IL6ST: variants seen among roughly 807,000 people sequenced by gnomAD.
IL6ST encodes interleukin 6 cytokine family signal transducer.
IL6ST carries 24 observed loss-of-function variants against 91.3 expected under a neutral mutation model. The ratio of observed to expected loss-of-function variants is 0.26; its 90% CI spans 0.19 to 0.37. IL6ST has a LOEUF of 0.37. Ranked by LOEUF, IL6ST falls within the 10% of genes least tolerant of loss-of-function variation. The probability of loss-of-function intolerance (pLI) is 1.00; values close to 1 mark genes in which losing one functional copy is unlikely to be tolerated. For missense variants in IL6ST, 914 were observed against 1,078.5 expected (o/e 0.85, Z 2.14); for synonymous variants, 351 against 373.6 (o/e 0.94, Z 0.70).
In IL6ST at chr5:55,963,468, A is replaced by G; in HGVS notation, c.697T>C (p.Ser233Pro). 6.2e-7 allele frequency: 1 copy of G among 1,609,888 alleles called. No individual in the cohort carries two copies. The highest frequency in any genetic ancestry group is 8.5e-7 in the Non-Finnish European group (1 of 1,177,252). Residue 233 changes from serine (S) to proline (P), a missense_variant, in exon 7 of 17, where the codon TCA (serine) becomes CCA (proline). Ser to Pro is a moderately conservative substitution (Grantham distance 74, BLOSUM62 -1). Coordinates refer to ENST00000381298, the MANE Select transcript of IL6ST (RefSeq NM_002184.4). ...NPPHNLSVINSEELSSILKLT... is the reference protein window; with the variant it reads ...NPPHNLSVINPEELSSILKLT... ...TTTAAGATACTAGACAGTTCCTCTG[A>G]GTTGATCACTGATAAATTATGTGGC...
At chr5:55,979,468 C>T (rs935736878) in intron 2 of IL6ST, among the ~76,000 whole-genome samples, 8 of 152,048 alleles carry the variant, frequency 5.3e-5, no homozygotes, top group Non-Finnish European at 1.0e-4. Flanking sequence ...CAGTATGTAA[C>T]AAAAGGTAAA....
chr5:55,975,883 TCTC>T (rs1373183656), intron 3 of IL6ST, among the ~76,000 whole-genome samples: 2 of 151,124 alleles, frequency 1.3e-5, no homozygotes, highest in Non-Finnish European at 2.9e-5. Flanking sequence ...TAACAAATTT[TCTC>T]CTATTCATTT....
Position 55,981,767 on chromosome 5 carries a change from C to A in IL6ST, c.-16+957G>T, listed in dbSNP as rs540898091. Among the ~76,000 whole-genome samples, 6 of 152,278 alleles carry A rather than the reference C, an allele frequency of 3.9e-5. No homozygotes were observed. The East Asian group carries it at 1.2e-3, about 29-fold the overall frequency. ...AATAGCACTATTACCTCACCTCTTG[C>A]AGAGTTTTCTATGCATATATTATAA... On this transcript the variant is annotated intron_variant, in intron 2 of 16. Transcript: ENST00000381298.
In IL6ST at chr5:55,935,835, G is replaced by C. The variant is rs750992766; in HGVS notation, c.*5247C>G. On this transcript the variant is annotated 3_prime_UTR_variant, in exon 17 of 17. Transcript: ENST00000381298. ...TCTCACTGCCTTTGGGCTAGAGAAA[G>C]AGTATGCTCTCAAGGAGTTACATAA... is the stretch of plus-strand genomic sequence containing the variant. The C allele has an allele frequency of 9.2e-6, 2 of 217,860 alleles. No homozygotes were observed. Among genetic ancestry groups the C allele is most frequent in the African/African-American group, 2.2e-5 (1 of 44,530 alleles). The allele number at this position is 217,860 out of a possible 1,614,324, so 13.5% of individuals were successfully genotyped here. A position where few individuals can be genotyped will look rare whatever the true frequency, so the allele number is the denominator to read the frequency against.
At chr5:55,969,886 G>C in intron 3 of IL6ST, 31 bp from the exon 4 acceptor site, 1 of 1,454,416 alleles carries the variant, frequency 6.9e-7, no homozygotes, top group Non-Finnish European at 9.4e-7. Context: ...ATATATAAAT[G>C]GACTGAATTT....
Position 55,940,104 on chromosome 5 carries a change from G to A in IL6ST, c.*978C>T, listed in dbSNP as rs1298152970. ...GTGTTCATCTACCCAGTACTCTGAA[G>A]TCTTAAGAAAAGTCAATGATATGTG... On this transcript the variant is annotated 3_prime_UTR_variant, in exon 17 of 17. Coordinates refer to ENST00000381298, the MANE Select transcript of IL6ST (RefSeq NM_002184.4). 5.1e-6 allele frequency: 1 copy of A among 197,956 alleles called. No individual in the cohort carries two copies. Among genetic ancestry groups the A allele is most frequent in the African/African-American group, 2.3e-5 (1 of 43,058 alleles). The allele number at this position is 197,956 out of a possible 1,614,324, so 12.3% of individuals were successfully genotyped here. A position where few individuals can be genotyped will look rare whatever the true frequency, so the allele number is the denominator to read the frequency against.
At chr5:55,969,923 G>A (rs998950233) in intron 3 of IL6ST, 68 bp from the exon 4 acceptor site, 3 of 1,032,728 alleles carry the variant, frequency 2.9e-6, no homozygotes, top group South Asian at 1.5e-5. Context: ...TATCTAGCTG[G>A]TAGCACTCAA....
chr5:55,962,595 TTGC>T, intron 7 of IL6ST, among the ~76,000 whole-genome samples: 1 of 152,284 alleles, frequency 6.6e-6, no homozygotes, highest in Middle Eastern at 3.4e-3. Flanking sequence ...GAGACTCTTT[TTGC>T]AACTACTCAA....
At chr5:55,955,814 C>T (rs963037289) in intron 10 of IL6ST, among the ~76,000 whole-genome samples, 2 of 151,998 alleles carry the variant, frequency 1.3e-5, no homozygotes, top group South Asian at 2.1e-4. Flanking sequence ...CTCAGGAGTT[C>T]GAGACCAGCC....
At chr5:55,952,385 C>A in intron 11 of IL6ST, 34 bp from the exon 12 acceptor site, 1 of 1,263,392 alleles carries the variant, frequency 7.9e-7, no homozygotes, top group Non-Finnish European at 1.1e-6. Flanking sequence ...GCATGTTTTT[C>A]CATAATGAAA....
At chr5:55,963,793 G>A (rs1167574921) in intron 6 of IL6ST, among the ~76,000 whole-genome samples, 2 of 151,982 alleles carry the variant, frequency 1.3e-5, no homozygotes, top group East Asian at 3.8e-4. Flanking sequence ...AATAAAAATG[G>A]AACATACATA....
At chr5:55,981,679 A>G (rs1561201065) in intron 2 of IL6ST, among the ~76,000 whole-genome samples, 1 of 152,082 alleles carries the variant, frequency 6.6e-6, no homozygotes, top group Non-Finnish European at 1.5e-5. Context: ...AATTGACAGT[A>G]GTTTGCTTAT....
At chr5:55,942,608 T>C (rs1160229021) in intron 16 of IL6ST, 62 bp downstream of exon 16, 2 of 818,824 alleles carry the variant, frequency 2.4e-6, no homozygotes, top group Non-Finnish European at 4.2e-6. Context: ...TAACTGTAGA[T>C]ACTCAATATA....
intron 2 of IL6ST, among the ~76,000 whole-genome samples, chr5:55,977,733 G>A (rs1274777093): frequency 6.6e-6 from 1 of 152,062 alleles, no homozygotes; most frequent in Non-Finnish European, 1.5e-5. Context: ...GGCTGAGGCA[G>A]GAGAACTGTT....
chr5:55,985,335 T>A (rs950884435), intron 1 of IL6ST, among the ~76,000 whole-genome samples: 2 of 151,868 alleles, frequency 1.3e-5, no homozygotes, highest in Non-Finnish European at 2.9e-5. Flanking sequence ...GGGTATATGG[T>A]GAAACCCTGT....
intron 14 of IL6ST, among the ~76,000 whole-genome samples, chr5:55,949,874 G>T (rs774333143): frequency 6.6e-6 from 1 of 152,082 alleles, no homozygotes; most frequent in Non-Finnish European, 1.5e-5. Context: ...TACAATTATG[G>T]TAAAATAAGG....
chr5:55,970,465 T>C (rs1411917905), intron 3 of IL6ST, among the ~76,000 whole-genome samples: 2 of 152,108 alleles, frequency 1.3e-5, no homozygotes, highest in Non-Finnish European at 2.9e-5. Context: ...GGCAAGAGGA[T>C]CGCTCGAGCT....
At chr5:55,955,275 C>A (rs1032056185) in intron 10 of IL6ST, among the ~76,000 whole-genome samples, 28 of 152,080 alleles carry the variant, frequency 1.8e-4, no homozygotes, top group African/African-American at 6.5e-4. Context: ...CTGGCCAACA[C>A]GGTGAAACCC....
Position 55,935,582 on chromosome 5 carries a change from C to T in IL6ST, c.*5500G>A, listed in dbSNP as rs989925764. 4 of 218,558 alleles carry T rather than the reference C, an allele frequency of 1.8e-5. No individual in the cohort carries two copies. The highest frequency in any genetic ancestry group is 2.8e-5 in the Non-Finnish European group (3 of 108,902). The allele number at this position is 218,558 out of a possible 1,614,324, so 13.5% of individuals were successfully genotyped here. On this transcript the variant is annotated 3_prime_UTR_variant, in exon 17 of 17. Transcript: ENST00000381298. ...GGACTCAAGCTGTTCACCCTGCTTT[C>T]GAGTTGGCTGAGCTTCCTGCTGCTT...
Sources: gnomAD v4.1 joint callset for allele counts (sites outside exome capture counted in the v4.1 genomes callset) on GRCh38, gnomAD v4.1.1 for gene constraint, MANE v1.5 for transcripts, NCBI Gene and HGNC (gene_info 2026-07-23, HGNC 2026-07-21) for gene names.